The following CFAP92 variants were observed in gnomAD, a reference collection of about 807,000 sequenced individuals.
CFAP92 encodes the protein uncharacterized protein CFAP92.
Under a neutral mutation model 106.3 loss-of-function variants are expected in CFAP92, and 86 were observed. The observed-to-expected ratio is 0.81, with a 90% CI of 0.68 to 0.97. The LOEUF (loss-of-function observed/expected upper bound fraction) is 0.97. Ranked by LOEUF, CFAP92 falls within the 50% of genes least tolerant of loss-of-function variation. The pLI is 0.00. For missense variants in CFAP92, 1,204 were observed against 1,283.8 expected (o/e 0.94, Z 0.95); for synonymous variants, 477 against 506.4 (o/e 0.94, Z 0.78).
chr3:128,935,870 A>C lies in CFAP92; in HGVS notation c.2259-551T>G, dbSNP rs549069046. Among the ~76,000 whole-genome samples, 36 of 152,378 alleles carry C rather than the reference A, an allele frequency of 2.4e-4. 1 individual carries two copies. The highest frequency in any genetic ancestry group is 5.1e-4 in the Non-Finnish European group (35 of 68,034). ...TGAAGACTATACTAAGATAAAAATA[A>C]TAGCAATTTAGAAGTATAAAAAATT... On this transcript the variant is annotated intron_variant, in intron 10 of 15. Coordinates refer to ENST00000645291, the MANE Select transcript of CFAP92 (RefSeq NM_001394090.1).
At chr3:128,977,698 A>G (rs1439739151) in intron 5 of CFAP92, among the ~76,000 whole-genome samples, 1 of 152,136 alleles carries the variant, frequency 6.6e-6, no homozygotes, top group Non-Finnish European at 1.5e-5. Flanking sequence ...GTCTCTACTA[A>G]AAATACAAAA....
At chr3:128,935,094 G>T in intron 11 of CFAP92, 31 bp downstream of exon 11, 1 of 1,482,546 alleles carries the variant, frequency 6.7e-7, no homozygotes, top group East Asian at 2.5e-5. Context: ...CCGCCGGGGC[G>T]CAGGACCACA....
chr3:128,914,736 T>C (rs1010078583), intron 15 of CFAP92: 9 of 183,288 alleles, frequency 4.9e-5, no homozygotes, highest in African/African-American at 1.4e-4. Context: ...CGCTGGAAGG[T>C]CCCAGTGAAG....
intron 3 of CFAP92, among the ~76,000 whole-genome samples, 185 bp downstream of exon 3, chr3:128,988,543 A>AAC (rs1944006622): frequency 6.9e-6 from 1 of 145,914 alleles, no homozygotes; most frequent in African/African-American, 2.5e-5. Context: ...CTGACTCAAC[A>AAC]AAAAAAAAAA....
At chr3:128,995,619 G>A (rs1185687113), upstream of CFAP92, among the ~76,000 whole-genome samples, 1 of 152,206 alleles carries the variant, frequency 6.6e-6, no homozygotes, top group Non-Finnish European at 1.5e-5. Flanking sequence ...ACTGGCCTGA[G>A]GCTGGTTTCC....
At chr3:128,971,017 T>C (rs2107779436) in intron 8 of CFAP92, 2 of 519,990 alleles carry the variant, frequency 3.8e-6, no homozygotes, top group East Asian at 3.2e-5. Context: ...AATATTCCCA[T>C]AGGCTTCCTT....
chr3:128,994,117 G>A (rs967419594), upstream of CFAP92: 69 of 985,674 alleles, frequency 7.0e-5, no homozygotes, highest in Admixed American at 2.2e-3. Context: ...CGCAGGCCCA[G>A]CCACTCAGCT....
intron 2 of CFAP92, chr3:128,991,638 A>T: frequency 3.5e-6 from 1 of 282,298 alleles, no homozygotes; most frequent in South Asian, 8.6e-5. Flanking sequence ...AGACTATAAA[A>T]CCTTTGCCCC....
At chr3:128,943,495 A>G (rs1939866769) in intron 10 of CFAP92, among the ~76,000 whole-genome samples, 1 of 151,964 alleles carries the variant, frequency 6.6e-6, no homozygotes, top group Admixed American at 6.6e-5. Context: ...TTGACTTAGC[A>G]TAATGTTTCA....
At chr3:128,946,524 A>G (rs1940234116) in intron 9 of CFAP92, among the ~76,000 whole-genome samples, 1 of 152,216 alleles carries the variant, frequency 6.6e-6, no homozygotes, top group African/African-American at 2.4e-5. Flanking sequence ...GGCAGAAAGC[A>G]GGGACATTTG....
At chr3:128,935,533 G>A (rs1170558744) in intron 10 of CFAP92, among the ~76,000 whole-genome samples, 2 of 152,128 alleles carry the variant, frequency 1.3e-5, no homozygotes, top group African/African-American at 4.8e-5. Context: ...CGAACATGGA[G>A]AAACCCCATC....
At chr3:129,003,860 C>T (rs1293191065), upstream of CFAP92, 6 of 1,441,684 alleles carry the variant, frequency 4.2e-6, no homozygotes, top group Non-Finnish European at 5.5e-6. Context: ...GGCTGCGGTG[C>T]GGGAGCTGCG....
chr3:129,024,358 C>T, the CFAP92 span, among the ~76,000 whole-genome samples: 1 of 151,800 alleles, frequency 6.6e-6, no homozygotes, highest in Non-Finnish European at 1.5e-5. Context: ...ATGGTAAAAC[C>T]CTTTCTCTAC....
rs1940101718 is a variant in CFAP92, at chr3:128,945,363, A to G, written c.1966T>C (p.Ser656Pro). 1 of 1,536,136 alleles carries G rather than the reference A, an allele frequency of 6.5e-7. No individual in the cohort carries two copies. Among genetic ancestry groups the G allele is most frequent in the Non-Finnish European group, 8.7e-7 (1 of 1,146,908 alleles). Residue 656 changes from serine to proline, a missense_variant, in exon 10 of 16, where the codon TCC becomes CCC. Ser to Pro is a moderately conservative substitution (Grantham distance 74). Transcript: ENST00000645291. ...ACGAAGATGATGCGGCCAAACTGGGAGCCCCCAAGGTCAGGATCAGCAGCT... is the reference window on the plus strand; with the variant it reads ...ACGAAGATGATGCGGCCAAACTGGGGGCCCCCAAGGTCAGGATCAGCAGCT... ...ARAADPDLGG[S>P]QFGRIIFVFD... is the part of the protein sequence containing the mutation.
chr3:128,951,948 A>G (rs1559889281), intron 9 of CFAP92, among the ~76,000 whole-genome samples: 2 of 152,124 alleles, frequency 1.3e-5, no homozygotes, highest in Non-Finnish European at 2.9e-5. Context: ...TGAAGTCCAC[A>G]AGAGCAGTAA....
At chr3:129,002,946 G>A (rs541412577), upstream of CFAP92, among the ~76,000 whole-genome samples, 1 of 152,320 alleles carries the variant, frequency 6.6e-6, no homozygotes, top group East Asian at 1.9e-4. Flanking sequence ...AAACCATGGG[G>A]TGAGATAGGG....
intron 12 of CFAP92, among the ~76,000 whole-genome samples, chr3:128,918,594 C>T (rs1937011614): frequency 6.6e-6 from 1 of 152,050 alleles, no homozygotes; most frequent in Non-Finnish European, 1.5e-5. Context: ...CTTAAAAGGA[C>T]TAGGAAAATA....
chr3:128,910,092 C>T lies in CFAP92; in HGVS notation c.*207G>A, dbSNP rs754646501. 9.3e-6 allele frequency: 15 copies of T among 1,613,688 alleles called. No homozygotes were observed. The highest frequency in any genetic ancestry group is 5.5e-5 in the South Asian group (5 of 91,034). The stretch of plus-strand genomic sequence containing the variant: ...TCATCAACCTGTATGGCATGACGGC[C>T]GTGCTGTCGCGGGCCAGCCGCTCCA... On this transcript the variant is annotated 3_prime_UTR_variant, in exon 16 of 16. Coordinates refer to ENST00000645291, the MANE Select transcript of CFAP92 (RefSeq NM_001394090.1).
chr3:129,013,939 G>A, the CFAP92 span, among the ~76,000 whole-genome samples: 2 of 152,230 alleles, frequency 1.3e-5, no homozygotes, highest in African/African-American at 4.8e-5. Flanking sequence ...GCAGGGGCAG[G>A]AGCGACTGTC....
Sources: gnomAD v4.1 joint callset for allele counts (sites outside exome capture counted in the v4.1 genomes callset) on GRCh38, gnomAD v4.1.1 for gene constraint, MANE v1.5 for transcripts, NCBI Gene and HGNC (gene_info 2026-07-23, HGNC 2026-07-21) for gene names.